The following GRIK2 variants were observed in gnomAD, a reference collection of about 807,000 sequenced individuals.
GRIK2 encodes the protein glutamate ionotropic receptor kainate type subunit 2.
A neutral mutation model predicts 100.3 loss-of-function variants in GRIK2; 32 were observed. The observed-to-expected ratio is 0.32, with a 90% CI of 0.24 to 0.43. The LOEUF (loss-of-function observed/expected upper bound fraction) is 0.43. Ranked by LOEUF, GRIK2 falls within the 20% of genes least tolerant of loss-of-function variation. GRIK2 has a pLI of 1.00. For missense variants in GRIK2, 843 were observed against 1,114.9 expected, an observed-to-expected ratio of 0.76 and a Z score of 3.47; for synonymous variants, 417 against 389.4, an observed-to-expected ratio of 1.07 and a Z score of -0.83.
chr6:101,495,986 C>A (rs1773422298), intron 2 of GRIK2, among the ~76,000 whole-genome samples: 1 of 152,128 alleles, frequency 6.6e-6, no homozygotes, highest in African/African-American at 2.4e-5. Context: ...CACTCTGTCG[C>A]CCAGTCTGGA....
intron 14 of GRIK2, among the ~76,000 whole-genome samples, chr6:101,947,457 C>A (rs1791350893): frequency 1.3e-5 from 2 of 152,066 alleles, no homozygotes; most frequent in Non-Finnish European, 2.9e-5. Context: ...TGTATGCAGT[C>A]TGCATTCCAC....
intron 2 of GRIK2, among the ~76,000 whole-genome samples, chr6:101,445,290 A>G (rs949506612): frequency 3.7e-4 from 57 of 152,204 alleles, no homozygotes; most frequent in African/African-American, 1.3e-3. Flanking sequence ...GGTTGTCTCT[A>G]TTAAGCTTCA....
At chr6:101,458,995 T>G (rs1265547180) in intron 2 of GRIK2, among the ~76,000 whole-genome samples, 1 of 152,178 alleles carries the variant, frequency 6.6e-6, no homozygotes, top group Non-Finnish European at 1.5e-5. Context: ...AAAAATTTGA[T>G]GCATCCAAAT....
intron 6 of GRIK2, 126 bp downstream of exon 6, chr6:101,682,732 A>G: frequency 4.0e-6 from 2 of 503,910 alleles, no homozygotes; most frequent in Non-Finnish European, 7.1e-6. Context: ...ATTTGATAAG[A>G]CTCCACCAAA....
rs1777014251 is a variant in GRIK2, at chr6:101,561,561, T to C, written c.116-60388T>C. 2.0e-5 allele frequency among the ~76,000 whole-genome samples: 3 copies of C among 152,176 alleles called. No homozygotes were observed. The South Asian group carries it at 6.2e-4, about 32-fold the overall frequency. ...GAGATGATGGATATCCCAATTACTATGATTTGGTCATTACACATTGTGTAT... is the reference window on the plus strand; with the variant it reads ...GAGATGATGGATATCCCAATTACTACGATTTGGTCATTACACATTGTGTAT... On this transcript the variant is annotated intron_variant, in intron 2 of 16. Transcript: ENST00000369134.
chr6:101,608,819 ATGTATGTG>A lies in GRIK2; in HGVS notation c.116-13126_116-13119del, dbSNP rs145428125. Among the ~76,000 whole-genome samples the A allele has an allele frequency of 7.2e-3, 815 of 113,904 alleles. 9 individuals are homozygous for A. Among genetic ancestry groups the A allele is most frequent in the African/African-American group, 0.018 (627 of 34,506 alleles). 74.7% of individuals were successfully genotyped at this position (113,904 alleles called of 152,430 possible). A position where few individuals can be genotyped will look rare whatever the true frequency, so the allele number is the denominator to read the frequency against. On this transcript the variant is annotated intron_variant, in intron 2 of 16. Coordinates refer to ENST00000369134, the MANE Select transcript of GRIK2 (RefSeq NM_021956.5). ...TGTGTGTGTGTGTGTGTGTGTATGT[ATGTATGTG>A]TGTGTGTGTCTCACTCTCCACCCTG...
chr6:101,514,076 G>A (rs1337945972), intron 2 of GRIK2, among the ~76,000 whole-genome samples: 1 of 152,068 alleles, frequency 6.6e-6, no homozygotes, highest in African/African-American at 2.4e-5. Flanking sequence ...GTTGAGCACA[G>A]CCCTAAGTAG....
chr6:101,812,485 C>CTGTTCAATAAATATTATTATTTA (rs1781393029), intron 9 of GRIK2, among the ~76,000 whole-genome samples: 1 of 151,538 alleles, frequency 6.6e-6, no homozygotes, highest in African/African-American at 2.4e-5. Flanking sequence ...ACATTTATTT[C>CTGTTCAATAAATATTATTATTTA]TGTTCAATAA....
chr6:101,776,014 G>T (rs1265065243), intron 7 of GRIK2, among the ~76,000 whole-genome samples: 1 of 152,094 alleles, frequency 6.6e-6, no homozygotes, highest in African/African-American at 2.4e-5. Flanking sequence ...GTCATAAGCA[G>T]ATTTGTGTTT....
intron 2 of GRIK2, among the ~76,000 whole-genome samples, chr6:101,598,608 A>G (rs7356889): frequency 0.012 from 1,713 of 142,714 alleles, 11 homozygotes; most frequent in African/African-American, 0.032. Context: ...AAAAAAAAAA[A>G]AAAGAAAGAA....
At chr6:101,701,094 G>A (rs1378416865) in intron 7 of GRIK2, among the ~76,000 whole-genome samples, 1 of 152,016 alleles carries the variant, frequency 6.6e-6, no homozygotes, top group Non-Finnish European at 1.5e-5. Flanking sequence ...ACAAAAAGCT[G>A]GAAGCTGAAA....
At chr6:101,718,417 A>G (rs1011895616) in intron 7 of GRIK2, among the ~76,000 whole-genome samples, 1 of 151,968 alleles carries the variant, frequency 6.6e-6, no homozygotes, top group Non-Finnish European at 1.5e-5. Context: ...AAGGTCAGAC[A>G]TTCAGATCTT....
At chr6:101,729,568 T>G (rs1442114092) in intron 7 of GRIK2, among the ~76,000 whole-genome samples, 1 of 151,968 alleles carries the variant, frequency 6.6e-6, no homozygotes, top group East Asian at 1.9e-4. Context: ...ATATGTTATA[T>G]TTTACCTTAG....
intron 2 of GRIK2, chr6:101,430,472 C>T (rs961575325): frequency 4.6e-6 from 1 of 215,366 alleles, no homozygotes; most frequent in Non-Finnish European, 9.9e-6. Context: ...GCTTCTGATC[C>T]ACACCGAGTA....
At chr6:101,404,495 A>G (rs1271526914) in intron 2 of GRIK2, among the ~76,000 whole-genome samples, 1 of 152,324 alleles carries the variant, frequency 6.6e-6, no homozygotes, top group Non-Finnish European at 1.5e-5. Flanking sequence ...TCAGTTATTA[A>G]GATTTGACTT....
chr6:101,627,776 T>C (rs532854457), intron 4 of GRIK2, among the ~76,000 whole-genome samples: 1 of 152,316 alleles, frequency 6.6e-6, no homozygotes, highest in Admixed American at 6.5e-5. Context: ...AAAGGAATAT[T>C]TTAATAAATA....
chr6:101,839,268 A>G (rs1250939432), intron 10 of GRIK2, among the ~76,000 whole-genome samples: 2 of 152,164 alleles, frequency 1.3e-5, no homozygotes, highest in Non-Finnish European at 2.9e-5. Context: ...CTTTTCACCA[A>G]TCCTTGAGCT....
intron 7 of GRIK2, among the ~76,000 whole-genome samples, chr6:101,762,714 A>C (rs1013140005): frequency 6.6e-6 from 1 of 152,170 alleles, no homozygotes; most frequent in African/African-American, 2.4e-5. Context: ...GTGCCTTGAC[A>C]GGATTTGAAG....
At chr6:102,014,609 G>A (rs769394381) in intron 14 of GRIK2, among the ~76,000 whole-genome samples, 3 of 151,760 alleles carry the variant, frequency 2.0e-5, no homozygotes, top group Non-Finnish European at 2.9e-5. Context: ...GAAATTCTGT[G>A]TCCCAGAAAT....
Sources: gnomAD v4.1 joint callset for allele counts (sites outside exome capture counted in the v4.1 genomes callset) on GRCh38, gnomAD v4.1.1 for gene constraint, MANE v1.5 for transcripts, NCBI Gene and HGNC (gene_info 2026-07-23, HGNC 2026-07-21) for gene names.